CNTN4: variants seen among roughly 807,000 people sequenced by gnomAD.
The protein encoded by CNTN4 is contactin-4.
Under a neutral mutation model 122.5 loss-of-function variants are expected in CNTN4, and 77 were observed. The observed-to-expected ratio is 0.63, with a 90% CI of 0.52 to 0.76. The LOEUF (loss-of-function observed/expected upper bound fraction) is 0.76. CNTN4 is among the 30% of genes least tolerant of loss of function. The pLI is 0.00. For synonymous variants in CNTN4, 512 were observed against 447.0 expected (o/e 1.15, Z -1.83); for missense variants, 1,256 against 1,259.1 (o/e 1.00, Z 0.04).
intron 3 of CNTN4, among the ~76,000 whole-genome samples, chr3:2,363,336 G>A (rs2045239538): frequency 6.6e-6 from 1 of 152,162 alleles, no homozygotes; most frequent in South Asian, 2.1e-4. Flanking sequence ...TAAAGCAGGT[G>A]TTTTGTTTTT....
chr3:2,264,995 T>C (rs534379753), intron 2 of CNTN4, among the ~76,000 whole-genome samples: 1 of 152,174 alleles, frequency 6.6e-6, no homozygotes, highest in African/African-American at 2.4e-5. Context: ...ATGTGTAATC[T>C]TTCATCCCTC....
At chr3:2,365,804 G>A (rs1181182131) in intron 3 of CNTN4, among the ~76,000 whole-genome samples, 1 of 152,136 alleles carries the variant, frequency 6.6e-6, no homozygotes. Flanking sequence ...TAAAAACAGT[G>A]ACCTATTTCA....
chr3:2,365,217 G>A (rs1281084595), intron 3 of CNTN4, among the ~76,000 whole-genome samples: 1 of 151,978 alleles, frequency 6.6e-6, no homozygotes, highest in Non-Finnish European at 1.5e-5. Flanking sequence ...ACCTTACTTG[G>A]TTCAGCCTGA....
At chr3:2,744,975 G>A (rs1222662011) in intron 5 of CNTN4, among the ~76,000 whole-genome samples, 1 of 152,174 alleles carries the variant, frequency 6.6e-6, no homozygotes, top group South Asian at 2.1e-4. Context: ...AGTGATCCAC[G>A]GTTAAAGCAG....
chr3:2,776,125 T>C (rs1391536373), intron 6 of CNTN4, among the ~76,000 whole-genome samples: 1 of 152,162 alleles, frequency 6.6e-6, no homozygotes, highest in Non-Finnish European at 1.5e-5. Context: ...GGACACAGAC[T>C]CTAAAAGAGT....
At chr3:2,234,370 CAAAAA>C (rs72401999) in intron 2 of CNTN4, among the ~76,000 whole-genome samples, 73 of 94,736 alleles carry the variant, frequency 7.7e-4, no homozygotes, top group Non-Finnish European at 1.0e-3. Flanking sequence ...AAGTCCATCT[CAAAAA>C]AAAAAAAAAA....
chr3:2,781,825 C>T (rs1318789662), intron 6 of CNTN4, among the ~76,000 whole-genome samples: 8 of 137,016 alleles, frequency 5.8e-5, no homozygotes, highest in Non-Finnish European at 9.1e-5. Flanking sequence ...CCCGGGTTCC[C>T]GCCATTCTCC....
At chr3:2,142,911 A>G (rs991505821) in intron 2 of CNTN4, among the ~76,000 whole-genome samples, 8 of 152,182 alleles carry the variant, frequency 5.3e-5, no homozygotes, top group Non-Finnish European at 1.0e-4. Flanking sequence ...ATTTTTTGCA[A>G]TTGCCAGGCA....
rs528976195 is a variant in CNTN4 at position 2,486,540 on chromosome 3, T to G, written c.-88-84876T>G. On this transcript the variant is annotated intron_variant, in intron 3 of 24. Transcript: ENST00000418658. ...TTAACTTGATTCTTATAGAAAAATA[T>G]AATATTTATTGAAGTCTACTGTGTT... 5.9e-5 allele frequency among the ~76,000 whole-genome samples: 9 copies of G among 152,300 alleles called. No individual in the cohort carries two copies. In the East Asian group the frequency reaches 1.3e-3, roughly 23 times the overall value.
At position 2,489,382 on chromosome 3, in the gene CNTN4, A is replaced by G. The variant is rs371863343; in HGVS notation, c.-88-82034A>G. On this transcript the variant is annotated intron_variant, in intron 3 of 24. Coordinates refer to ENST00000418658, the MANE Select transcript of CNTN4 (RefSeq NM_175607.3). ...ATTTTACTTATTTGAATGAAACTGG[A>G]GAAAGGCTGGGCTAAAGGAAAGAAG... Among the ~76,000 whole-genome samples, 9 of 152,338 alleles carry G rather than the reference A, an allele frequency of 5.9e-5. No homozygotes were observed. The East Asian group carries it at 1.3e-3, about 23-fold the overall frequency.
intron 1 of CNTN4, 117 bp downstream of exon 1, chr3:2,099,095 AG>A (rs1314999153): frequency 6.6e-6 from 1 of 152,170 alleles, no homozygotes. Context: ...CCCGAAGGAC[AG>A]GGGCGCTTCC....
chr3:2,503,032 G>A (rs1391609602), intron 3 of CNTN4, among the ~76,000 whole-genome samples: 1 of 152,086 alleles, frequency 6.6e-6, no homozygotes, highest in East Asian at 1.9e-4. Context: ...CTAGGTGATA[G>A]GTATACAAAA....
intron 3 of CNTN4, among the ~76,000 whole-genome samples, chr3:2,452,859 A>G (rs1171080697): frequency 6.6e-6 from 1 of 152,142 alleles, no homozygotes; most frequent in Non-Finnish European, 1.5e-5. Context: ...TTAAAGAGTC[A>G]TGACCCCAGA....
intron 6 of CNTN4, among the ~76,000 whole-genome samples, chr3:2,788,712 A>G (rs1576798628): frequency 6.6e-6 from 1 of 152,192 alleles, no homozygotes; most frequent in African/African-American, 2.4e-5. Flanking sequence ...TAGAATGCCA[A>G]CCCTTAAATG....
intron 4 of CNTN4, among the ~76,000 whole-genome samples, chr3:2,642,151 A>G (rs1457304817): frequency 6.6e-6 from 1 of 152,236 alleles, no homozygotes; most frequent in African/African-American, 2.4e-5. Flanking sequence ...AAAGTAGGGA[A>G]GCCGACAGTG....
At chr3:2,992,028 C>G (rs562674006) in intron 14 of CNTN4, among the ~76,000 whole-genome samples, 1 of 152,170 alleles carries the variant, frequency 6.6e-6, no homozygotes, top group Non-Finnish European at 1.5e-5. Context: ...AAATCCAATT[C>G]TCTTTCTCCC....
At chr3:2,748,003 C>A (rs1271772126) in intron 6 of CNTN4, among the ~76,000 whole-genome samples, 1 of 152,102 alleles carries the variant, frequency 6.6e-6, no homozygotes, top group Non-Finnish European at 1.5e-5. Flanking sequence ...TCCCATAATT[C>A]TTTTCTTCCC....
chr3:2,747,369 A>C (rs1161780458), intron 6 of CNTN4, among the ~76,000 whole-genome samples: 2 of 151,148 alleles, frequency 1.3e-5, no homozygotes, highest in Non-Finnish European at 2.9e-5. Flanking sequence ...AGATGGCGCC[A>C]CTGGACTCCA....
At chr3:2,285,779 A>G (rs902757354) in intron 2 of CNTN4, among the ~76,000 whole-genome samples, 4 of 152,152 alleles carry the variant, frequency 2.6e-5, no homozygotes, top group African/African-American at 9.6e-5. Flanking sequence ...GCACATAAAT[A>G]CATGATTATG....
Sources: gnomAD v4.1 joint callset for allele counts (sites outside exome capture counted in the v4.1 genomes callset) on GRCh38, gnomAD v4.1.1 for gene constraint, MANE v1.5 for transcripts, NCBI Gene and HGNC (gene_info 2026-07-23, HGNC 2026-07-21) for gene names.